The following FAM78B variants were observed in gnomAD, a reference collection of about 807,000 sequenced individuals.
FAM78B encodes the protein family with sequence similarity 78 member B.
In FAM78B, 10 loss-of-function variants were observed where a neutral mutation model predicts 20.0. That is an observed-to-expected ratio of 0.50 (90% CI 0.31 to 0.85). The LOEUF (loss-of-function observed/expected upper bound fraction) is 0.85, where lower values mean the gene tolerates loss of function less well. FAM78B is among the 40% of genes least tolerant of loss of function. The pLI, the probability that FAM78B is intolerant of heterozygous loss-of-function variation, is 0.05. For missense variants in FAM78B, 283 were observed against 345.0 expected (o/e 0.82, Z 1.42); for synonymous variants, 135 against 132.8 (o/e 1.02, Z -0.12).
At chr1:166,096,448 C>T (rs1315735587) in intron 1 of FAM78B, among the ~76,000 whole-genome samples, 6 of 152,330 alleles carry the variant, frequency 3.9e-5, no homozygotes, top group South Asian at 2.1e-4. Flanking sequence ...CCAAGAAAAA[C>T]GACTTTATGT....
At chr1:166,097,578 G>A (rs1366863519) in intron 1 of FAM78B, among the ~76,000 whole-genome samples, 2 of 152,148 alleles carry the variant, frequency 1.3e-5, no homozygotes, top group Non-Finnish European at 2.9e-5. Context: ...CCTTTGGGTT[G>A]CGTGGGAGCT....
intron 1 of FAM78B, among the ~76,000 whole-genome samples, chr1:166,110,892 C>G (rs1303315318): frequency 6.6e-6 from 1 of 152,136 alleles, no homozygotes; most frequent in African/African-American, 2.4e-5. Flanking sequence ...TATATTGGCA[C>G]TATATAATCA....
intron 1 of FAM78B, among the ~76,000 whole-genome samples, chr1:166,116,654 T>G (rs1285750194): frequency 2.0e-5 from 3 of 152,230 alleles, no homozygotes; most frequent in Non-Finnish European, 4.4e-5. Context: ...AGAGTCTATT[T>G]TCACCAACCC....
rs542503678 is a variant in FAM78B at position 166,127,594 on chromosome 1, T to C, written c.263+38392A>G. ...AGGCACATATTAGGTGCTCAATAAA[T>C]AGCTGTTATTGATAATAGTACTAGT... On this transcript the variant is annotated intron_variant, in intron 1 of 1. Coordinates refer to ENST00000354422, the MANE Select transcript of FAM78B (RefSeq NM_001017961.5). Among the ~76,000 whole-genome samples, 5 of 152,330 alleles carry C rather than the reference T, an allele frequency of 3.3e-5. No individual in the cohort carries two copies. In the East Asian group the frequency reaches 9.6e-4, roughly 29 times the overall value.
At chr1:166,084,237 A>ACACTCTCTCTCTCTCTCTCT (rs771421402) in intron 1 of FAM78B, among the ~76,000 whole-genome samples, 2 of 125,412 alleles carry the variant, frequency 1.6e-5, no homozygotes, top group African/African-American at 5.9e-5. Context: ...ACACACACAC[A>ACACTCTCTCTCTCTCTCTCT]CTCTCTCTCT....
intron 1 of FAM78B, among the ~76,000 whole-genome samples, chr1:166,123,163 T>C (rs1359292274): frequency 6.6e-6 from 1 of 152,222 alleles, no homozygotes; most frequent in Non-Finnish European, 1.5e-5. Flanking sequence ...GGAGAACAGA[T>C]GTCTCTGGCT....
exon 3 of FAM78B, chr1:166,060,447 C>T (rs748853732): frequency 1.0e-4 from 49 of 476,228 alleles, no homozygotes; most frequent in African/African-American, 2.0e-4. Context: ...CCAATCAGCC[C>T]AGGGCAAGTG....
chr1:166,141,371 G>A (rs184034832), intron 1 of FAM78B, among the ~76,000 whole-genome samples: 3 of 152,236 alleles, frequency 2.0e-5, no homozygotes, highest in East Asian at 1.9e-4. Context: ...CAGTTATCAC[G>A]CAAGATATTC....
At chr1:166,134,973 T>G (rs1655016738) in intron 1 of FAM78B, among the ~76,000 whole-genome samples, 1 of 152,228 alleles carries the variant, frequency 6.6e-6, no homozygotes, top group Non-Finnish European at 1.5e-5. Flanking sequence ...CAGGGCAGGA[T>G]GAGAAGCCTT....
At chr1:166,103,315 C>T (rs1420227363) in intron 1 of FAM78B, among the ~76,000 whole-genome samples, 2 of 152,156 alleles carry the variant, frequency 1.3e-5, no homozygotes, top group African/African-American at 4.8e-5. Flanking sequence ...AGGGCAAACA[C>T]ATTCAAAAGC....
intron 1 of FAM78B, among the ~76,000 whole-genome samples, chr1:166,159,420 G>A (rs1202418107): frequency 1.3e-5 from 2 of 152,074 alleles, no homozygotes; most frequent in Admixed American, 6.5e-5. Flanking sequence ...CAGATGAGAG[G>A]GTCAGATGAG....
chr1:166,118,054 A>G (rs1354410248), intron 1 of FAM78B, among the ~76,000 whole-genome samples: 1 of 152,164 alleles, frequency 6.6e-6, no homozygotes, highest in Non-Finnish European at 1.5e-5. Flanking sequence ...TCTGTAAGAG[A>G]ACCACAGCTC....
intron 1 of FAM78B, among the ~76,000 whole-genome samples, chr1:166,116,381 G>C (rs1197412403): frequency 6.6e-6 from 1 of 152,160 alleles, no homozygotes; most frequent in East Asian, 1.9e-4. Context: ...TATTCAGGAG[G>C]GGGATGCTAT....
At chr1:166,077,657 TAATA>T (rs71100886) in intron 1 of FAM78B, among the ~76,000 whole-genome samples, 28,323 of 127,126 alleles carry the variant, frequency 0.22, 3,162 homozygotes, top group Non-Finnish European at 0.25. Context: ...ATATAAATTA[TAATA>T]AATACATATA....
chr1:166,083,529 C>G (rs1045602970), intron 1 of FAM78B, among the ~76,000 whole-genome samples: 4 of 152,094 alleles, frequency 2.6e-5, no homozygotes, highest in Non-Finnish European at 5.9e-5. Context: ...TTTTGAAATG[C>G]AGTTTTGCTC....
downstream of FAM78B, among the ~76,000 whole-genome samples, chr1:166,069,244 T>C (rs1183473447): frequency 6.6e-6 from 1 of 152,196 alleles, no homozygotes; most frequent in Non-Finnish European, 1.5e-5. Context: ...TGTGTGTGTC[T>C]ATGCATACAC....
At chr1:166,081,158 T>G (rs551221893) in intron 1 of FAM78B, 1 of 152,228 alleles carries the variant, frequency 6.6e-6, no homozygotes, top group Non-Finnish European at 1.5e-5. Context: ...GAGGCATTTT[T>G]CCTATTGCAG....
chr1:166,119,782 A>G (rs769656925), intron 1 of FAM78B, among the ~76,000 whole-genome samples: 3 of 152,248 alleles, frequency 2.0e-5, no homozygotes, highest in Non-Finnish European at 2.9e-5. Flanking sequence ...CGCGTGTCGT[A>G]AGTGGCCACA....
In FAM78B at chr1:166,086,870, C is replaced by T. The variant is rs938860821; in HGVS notation, c.264-16107G>A. Among the ~76,000 whole-genome samples the T allele has an allele frequency of 8.5e-5, 13 of 152,204 alleles. 1 individual carries two copies. The South Asian group carries it at 2.3e-3, about 27-fold the overall frequency. On this transcript the variant is annotated intron_variant, in intron 1 of 1. Transcript: ENST00000354422. The stretch of plus-strand genomic sequence containing the variant: ...ACAGAGGAATTCACATGGGTATTAT[C>T]AAACTAGAGGGGCAGAGAGACTGCA...
Sources: gnomAD v4.1 joint callset for allele counts (sites outside exome capture counted in the v4.1 genomes callset) on GRCh38, gnomAD v4.1.1 for gene constraint, MANE v1.5 for transcripts, NCBI Gene and HGNC (gene_info 2026-07-23, HGNC 2026-07-21) for gene names.